EPHA5: variants seen among roughly 807,000 people sequenced by gnomAD.
The protein encoded by EPHA5 is EPH receptor A5.
In EPHA5, 60 loss-of-function variants were observed where a neutral mutation model predicts 105.0. The observed-to-expected ratio is 0.57, with a 90% CI of 0.46 to 0.71. The LOEUF (loss-of-function observed/expected upper bound fraction) is 0.71, where lower values mean the gene tolerates loss of function less well. EPHA5 is among the 30% of genes least tolerant of loss of function. EPHA5 has a pLI of 0.00. For synonymous variants in EPHA5, 513 were observed against 449.1 expected (o/e 1.14, Z -1.80); for missense variants, 1,218 against 1,274.7 (o/e 0.96, Z 0.68).
chr4:65,472,598 G>T (rs975205203), intron 5 of EPHA5, among the ~76,000 whole-genome samples: 6 of 152,184 alleles, frequency 3.9e-5, no homozygotes, highest in Admixed American at 1.3e-4. Flanking sequence ...AGCCGCTAAG[G>T]CTTGGGGCTT....
At chr4:65,451,079 A>T (rs1193199180) in intron 5 of EPHA5, among the ~76,000 whole-genome samples, 1 of 152,102 alleles carries the variant, frequency 6.6e-6, no homozygotes, top group Non-Finnish European at 1.5e-5. Flanking sequence ...AGCACCCTAG[A>T]GACTGTTGAG....
At chr4:65,520,650 G>A (rs545552707) in intron 3 of EPHA5, among the ~76,000 whole-genome samples, 8 of 152,082 alleles carry the variant, frequency 5.3e-5, no homozygotes, top group African/African-American at 1.9e-4. Context: ...CTAATATCCA[G>A]AATCTACAAA....
chr4:65,337,325 A>G (rs1393374392), intron 14 of EPHA5, among the ~76,000 whole-genome samples: 1 of 152,022 alleles, frequency 6.6e-6, no homozygotes, highest in African/African-American at 2.4e-5. Context: ...CATTCCTTCT[A>G]CTTCGCTGTA....
rs1215338626 is a variant in EPHA5, at chr4:65,333,530, AGTGTGTGTCTGTGTGTGTGT to A, written c.2790-1422_2790-1403del. ...ACAATTGTGTGCGTGTGCGTGTGAG[AGTGTGTGTCTGTGTGTGTGT>A]GTGTGTGTGTGTGTGTGTGTGTGTG... On this transcript the variant is annotated intron_variant, in intron 15 of 16. Coordinates refer to ENST00000613740, the MANE Select transcript of EPHA5 (RefSeq NM_001281766.3). Among the ~76,000 whole-genome samples, 808 of 122,594 alleles carry A rather than the reference AGTGTGTGTCTGTGTGTGTGT, an allele frequency of 6.6e-3. 11 individuals are homozygous for A. The highest frequency in any genetic ancestry group is 0.022 in the African/African-American group (740 of 33,196). 80.4% of individuals were successfully genotyped at this position (122,594 alleles called of 152,430 possible). A position where few individuals can be genotyped will look rare whatever the true frequency, so the allele number is the denominator to read the frequency against.
intron 4 of EPHA5, among the ~76,000 whole-genome samples, chr4:65,491,739 G>C (rs1731421188): frequency 6.6e-6 from 1 of 151,888 alleles, no homozygotes; most frequent in Non-Finnish European, 1.5e-5. Context: ...TGAAATCCAT[G>C]ATCAGAATTG....
chr4:65,615,430 A>G (rs971091893), intron 2 of EPHA5, among the ~76,000 whole-genome samples: 1 of 151,904 alleles, frequency 6.6e-6, no homozygotes, highest in African/African-American at 2.4e-5. Flanking sequence ...AGGAACAAGA[A>G]TATGACAATA....
Position 65,587,714 on chromosome 4 carries a change from C to T in EPHA5, c.910+13927G>A, listed in dbSNP as rs1001702604. ...AGCTTCAGAATCCCAGACATTCTTA[C>T]GCATTCTTTGCTTTGCTCACTCAGT... is the stretch of plus-strand genomic sequence containing the variant. On this transcript the variant is annotated intron_variant, in intron 3 of 16. Coordinates refer to ENST00000613740, the MANE Select transcript of EPHA5 (RefSeq NM_001281766.3). Among the ~76,000 whole-genome samples, 12 of 152,172 alleles carry T rather than the reference C, an allele frequency of 7.9e-5. No individual in the cohort carries two copies. The South Asian group carries it at 1.9e-3, about 24-fold the overall frequency.
chr4:65,353,217 T>A lies in EPHA5; in HGVS notation c.2174-114A>T, dbSNP rs1214099272. 4.2e-5 allele frequency: 8 copies of A among 190,420 alleles called. No individual in the cohort carries two copies. In the East Asian group the frequency reaches 1.1e-3, roughly 27 times the overall value. The allele number at this position is 190,420 out of a possible 1,614,324, so 11.8% of individuals were successfully genotyped here. The stretch of plus-strand genomic sequence containing the variant: ...CAAAATTGTATATATATATATATAT[T>A]TAAAATATTTAAATAAAAATATTAA... On this transcript the variant is annotated intron_variant, in intron 11 of 16. Coordinates refer to ENST00000613740, the MANE Select transcript of EPHA5 (RefSeq NM_001281766.3).
At chr4:65,352,668 G>A (rs1398047606) in intron 12 of EPHA5, among the ~76,000 whole-genome samples, 1 of 151,732 alleles carries the variant, frequency 6.6e-6, no homozygotes, top group Non-Finnish European at 1.5e-5. Context: ...TTCTTGCTCT[G>A]CCTGATACAC....
At position 65,405,377 on chromosome 4, in the gene EPHA5, T is replaced by C. The variant is rs540554259; in HGVS notation, c.1688-898A>G. Among the ~76,000 whole-genome samples the C allele has an allele frequency of 8.5e-5, 13 of 152,328 alleles. 1 individual carries two copies. In the South Asian group the frequency reaches 2.7e-3, roughly 32 times the overall value. ...TTGTTTAATGACATGATCAATTTGA[T>C]AACTTCAAAGTAGCACTAGTTCAGC... On this transcript the variant is annotated intron_variant, in intron 7 of 16. Coordinates refer to ENST00000613740, the MANE Select transcript of EPHA5 (RefSeq NM_001281766.3).
chr4:65,397,584 A>T (rs1721366824), intron 8 of EPHA5, among the ~76,000 whole-genome samples: 1 of 151,306 alleles, frequency 6.6e-6, no homozygotes, highest in African/African-American at 2.4e-5. Context: ...ATTCTTTTTC[A>T]AAATAGTCTA....
chr4:65,415,667 A>C (rs1397869409), intron 6 of EPHA5, among the ~76,000 whole-genome samples: 2 of 152,022 alleles, frequency 1.3e-5, no homozygotes, highest in African/African-American at 4.8e-5. Flanking sequence ...AAATTAATTT[A>C]ATTATCTAAA....
chr4:65,576,153 GA>G (rs1404474277), intron 3 of EPHA5, among the ~76,000 whole-genome samples: 1 of 148,258 alleles, frequency 6.7e-6, no homozygotes, highest in Non-Finnish European at 1.5e-5. Context: ...GAAAAAGAAA[GA>G]GAGAGAGAAA....
In EPHA5 at chr4:65,490,454, T is replaced by A. The variant is rs2149212604; in HGVS notation, c.1325A>T (p.Glu442Val). The A allele has an allele frequency of 1.2e-6, 2 of 1,614,160 alleles. No homozygotes were observed. The highest frequency in any genetic ancestry group is 1.7e-6 in the Non-Finnish European group (2 of 1,180,034). The change falls in exon 5 of 17, where the codon GAG becomes GTG. Residue 442 changes from glutamate (E) to valine (V), a missense_variant. This residue lies in a region of EPHA5 where 971 missense variants were observed against 1,013.5 expected (regional missense o/e 0.96). Coordinates refer to ENST00000613740, the MANE Select transcript of EPHA5 (RefSeq NM_001281766.3). ...CAAGTCGGACACTCCATTCACTGCC[T>A]CAATCTCAAAGGTATAGTTTGTGTG... Reference protein sequence around the residue: ...LAHTNYTFEIEAVNGVSDLSP... With the variant: ...LAHTNYTFEIVAVNGVSDLSP...
chr4:65,543,704 C>T (rs1737077643), intron 3 of EPHA5, among the ~76,000 whole-genome samples: 1 of 151,786 alleles, frequency 6.6e-6, no homozygotes, highest in African/African-American at 2.4e-5. Flanking sequence ...TTACATTATT[C>T]ACAGAATTCT....
chr4:65,422,454 C>T (rs1724031701), intron 5 of EPHA5, among the ~76,000 whole-genome samples: 1 of 152,072 alleles, frequency 6.6e-6, no homozygotes, highest in African/African-American at 2.4e-5. Context: ...TCTCTGCCTG[C>T]TCAACCTTTT....
At chr4:65,333,539 C>CTGTGTGTG (rs56925203) in intron 15 of EPHA5, among the ~76,000 whole-genome samples, 50 of 111,878 alleles carry the variant, frequency 4.5e-4, no homozygotes, top group African/African-American at 1.9e-3. Context: ...GAGTGTGTGT[C>CTGTGTGTG]TGTGTGTGTG....
chr4:65,576,978 C>T (rs984681167), intron 3 of EPHA5, among the ~76,000 whole-genome samples: 1 of 152,154 alleles, frequency 6.6e-6, no homozygotes, highest in Non-Finnish European at 1.5e-5. Context: ...GAATTTTACA[C>T]TCTATAGAAA....
rs187776059 is a variant in EPHA5, at chr4:65,661,512, C to T, written c.181+8050G>A. On this transcript the variant is annotated intron_variant, in intron 1 of 16. Coordinates refer to ENST00000613740, the MANE Select transcript of EPHA5 (RefSeq NM_001281766.3). ...TTCTACCTCAGAAGTCTGGCTGTAT[C>T]CCCCTTCTTAGGACACCCAGTATGG... 1.8e-4 allele frequency among the ~76,000 whole-genome samples: 28 copies of T among 152,268 alleles called. 1 individual carries two copies. The highest frequency in any genetic ancestry group is 5.5e-4 in the African/African-American group (23 of 41,554).
Sources: allele counts gnomAD v4.1 joint callset (sites outside exome capture counted in the v4.1 genomes callset), GRCh38; gene constraint gnomAD v4.1.1; regional missense constraint gnomAD v4.1.1; transcripts MANE v1.5; gene names NCBI Gene and HGNC (gene_info 2026-07-23, HGNC 2026-07-21).